The following USP32 variants were observed in gnomAD, a reference collection of about 807,000 sequenced individuals.
USP32 encodes the protein ubiquitin carboxyl-terminal hydrolase 32.
In USP32, 59 loss-of-function variants were observed where a neutral mutation model predicts 204.8. That is an observed-to-expected ratio of 0.29 (90% CI 0.23 to 0.36). The LOEUF is 0.36. Among genes scored for constraint, USP32 ranks in the 10% least tolerant of loss-of-function variants. The pLI, the probability that USP32 is intolerant of heterozygous loss-of-function variation, is 1.00. For synonymous variants in USP32, 517 were observed against 678.4 expected (o/e 0.76, Z 3.70); for missense variants, 1,160 against 1,946.4 (o/e 0.60, Z 7.60).
chr17:60,282,081 A>G (rs997908720), intron 5 of USP32, among the ~76,000 whole-genome samples: 1 of 152,246 alleles, frequency 6.6e-6, no homozygotes, highest in Admixed American at 6.5e-5. Flanking sequence ...AGAAAACAGC[A>G]TAATATTTCT....
chr17:60,279,974 A>C (rs1214121248), intron 5 of USP32, among the ~76,000 whole-genome samples: 1 of 151,938 alleles, frequency 6.6e-6, no homozygotes, highest in Non-Finnish European at 1.5e-5. Context: ...CTTTGGGCTA[A>C]AGTTCTGATT....
chr17:60,302,113 G>GTTTGTTTA (rs1434601718), intron 2 of USP32, among the ~76,000 whole-genome samples: 1 of 141,526 alleles, frequency 7.1e-6, no homozygotes, highest in African/African-American at 2.8e-5. Flanking sequence ...TATTTTGTTT[G>GTTTGTTTA]TTTATTTATT....
rs1276549066 is a variant in USP32 at position 60,238,883 on chromosome 17, G to A, written c.1137-2643C>T. 2.0e-5 allele frequency among the ~76,000 whole-genome samples: 3 copies of A among 152,174 alleles called. No homozygotes were observed. The East Asian group carries it at 5.8e-4, about 29-fold the overall frequency. On this transcript the variant is annotated intron_variant, in intron 11 of 33. Coordinates refer to ENST00000300896, the MANE Select transcript of USP32 (RefSeq NM_032582.4). ...GCTACTCACGAAGCTGAGGTGGGAG[G>A]GAGTTTGAGGTTGCAGTGAGCTGTG... is the stretch of plus-strand genomic sequence containing the variant.
Position 60,260,584 on chromosome 17 carries a change from A to C in USP32, c.990+4828T>G, listed in dbSNP as rs140896998. Reference sequence around the variant, plus strand: ...ATAATGGAATACTATGCAGAGGATAAAAAGACTAAGTTAATCTATATATAA... The same window carrying C: ...ATAATGGAATACTATGCAGAGGATACAAAGACTAAGTTAATCTATATATAA... On this transcript the variant is annotated intron_variant, in intron 9 of 33. Coordinates refer to ENST00000300896, the MANE Select transcript of USP32 (RefSeq NM_032582.4). 7.2e-3 allele frequency among the ~76,000 whole-genome samples: 1,097 copies of C among 152,032 alleles called. 15 individuals are homozygous for C. The highest frequency in any genetic ancestry group is 0.025 in the African/African-American group (1,053 of 41,494).
At chr17:60,255,307 T>C (rs749961314) in intron 9 of USP32, 49 bp from the exon 10 acceptor site, 6 of 1,496,168 alleles carry the variant, frequency 4.0e-6, no homozygotes, top group Non-Finnish European at 5.4e-6. Flanking sequence ...TCTTTTTTTT[T>C]TTTTTTTTGA....
intron 1 of USP32, among the ~76,000 whole-genome samples, chr17:60,386,905 A>G (rs1201862901): frequency 1.3e-5 from 2 of 152,206 alleles, no homozygotes; most frequent in African/African-American, 4.8e-5. Flanking sequence ...GCACCTTTGT[A>G]ATCACTCAGG....
chr17:60,275,653 T>G (rs1237111229), intron 5 of USP32, among the ~76,000 whole-genome samples: 1 of 152,192 alleles, frequency 6.6e-6, no homozygotes, highest in African/African-American at 2.4e-5. Flanking sequence ...AAAGTAACTC[T>G]TAAGTTACCT....
At chr17:60,223,156 C>T (rs1055094110) in intron 14 of USP32, among the ~76,000 whole-genome samples, 2 of 152,004 alleles carry the variant, frequency 1.3e-5, no homozygotes, top group Admixed American at 1.3e-4. Flanking sequence ...TCATACATAG[C>T]GTATGTGAAA....
intron 13 of USP32, 70 bp downstream of exon 13, chr17:60,225,969 A>G: frequency 1.4e-6 from 2 of 1,418,336 alleles, no homozygotes; most frequent in Non-Finnish European, 1.9e-6. Context: ...AAAAAAAAAA[A>G]AGAAAAGAAA....
In USP32 at chr17:60,183,321, T is replaced by C. The variant is rs1393158023; in HGVS notation, c.3967A>G (p.Lys1323Glu). ...TCATCCCCCTGGGGTGTGAGTGGTTTATGCTGGCAGAGAGCCGGGTCTCTT... is the reference window on the plus strand; with the variant it reads ...TCATCCCCCTGGGGTGTGAGTGGTTCATGCTGGCAGAGAGCCGGGTCTCTT... ...VPRDPALCQH[K>E]PLTPQGDELS... The change falls in exon 31 of 34, where the codon AAA becomes GAA. Residue 1323 changes from lysine (K) to glutamate (E), a missense_variant. Lys to Glu is a moderately conservative substitution (Grantham distance 56). This residue lies in a region of USP32 where 244 missense variants were observed against 342.3 expected (regional missense o/e 0.71). Coordinates refer to ENST00000300896, the MANE Select transcript of USP32 (RefSeq NM_032582.4). The C allele has an allele frequency of 1.2e-6, 2 of 1,613,888 alleles. No homozygotes were observed. The highest frequency in any genetic ancestry group is 2.7e-5 in the African/African-American group (2 of 74,918).
At chr17:60,377,606 A>C (rs2089572635) in intron 1 of USP32, among the ~76,000 whole-genome samples, 1 of 152,216 alleles carries the variant, frequency 6.6e-6, no homozygotes, top group Non-Finnish European at 1.5e-5. Flanking sequence ...ACCTTTTATT[A>C]ATGTTTGCTA....
At chr17:60,385,660 A>G (rs536463013) in intron 1 of USP32, among the ~76,000 whole-genome samples, 12 of 152,132 alleles carry the variant, frequency 7.9e-5, no homozygotes, top group African/African-American at 2.9e-4. Flanking sequence ...TGGCCAACAT[A>G]GTAAAACCCT....
At chr17:60,288,873 A>G (rs566304967) in intron 4 of USP32, among the ~76,000 whole-genome samples, 191 bp from the exon 5 acceptor site, 5 of 152,366 alleles carry the variant, frequency 3.3e-5, no homozygotes, top group East Asian at 1.9e-4. Context: ...CTTGTGCTTC[A>G]TAACTTCTAC....
intron 1 of USP32, among the ~76,000 whole-genome samples, chr17:60,349,605 ATATATATATATATATATAT>A (rs1187704043): frequency 0.021 from 1,524 of 71,606 alleles, 32 homozygotes; most frequent in African/African-American, 0.059. Context: ...AAATATATAT[ATATATATATATATATATAT>A]TATATATATA....
At chr17:60,192,634 T>A (rs898871423) in intron 28 of USP32, among the ~76,000 whole-genome samples, 13 of 152,046 alleles carry the variant, frequency 8.6e-5, no homozygotes, top group African/African-American at 3.1e-4. Context: ...GAGGTTTTAC[T>A]AGGTTAGGCT....
chr17:60,178,966 A>G lies in USP32; in HGVS notation c.*289T>C, dbSNP rs181554413. 1.2e-5 allele frequency: 4 copies of G among 334,568 alleles called. No individual in the cohort carries two copies. Among genetic ancestry groups the G allele is most frequent in the South Asian group, 1.2e-4 (2 of 16,166 alleles). The allele number at this position is 334,568 out of a possible 1,614,324, so 20.7% of individuals were successfully genotyped here. A position where few individuals can be genotyped will look rare whatever the true frequency, so the allele number is the denominator to read the frequency against. Reference sequence around the variant, plus strand: ...ATTTGTTCATATCTGGACAAGCACAATTGAATTCTTATTTGGTCCCAGGTG... The same window carrying G: ...ATTTGTTCATATCTGGACAAGCACAGTTGAATTCTTATTTGGTCCCAGGTG... On this transcript the variant is annotated 3_prime_UTR_variant, in exon 34 of 34. Transcript: ENST00000300896.
chr17:60,357,723 T>C (rs1364044790), intron 1 of USP32, among the ~76,000 whole-genome samples: 1 of 152,134 alleles, frequency 6.6e-6, no homozygotes, highest in Non-Finnish European at 1.5e-5. Flanking sequence ...AAGGACTGGA[T>C]GACTCAGCAG....
At chr17:60,186,206 A>G (rs2084247189) in intron 29 of USP32, among the ~76,000 whole-genome samples, 1 of 152,260 alleles carries the variant, frequency 6.6e-6, no homozygotes. Flanking sequence ...AACGCTTCAA[A>G]ATGACAAAAA....
chr17:60,384,098 G>A (rs1332950001), intron 1 of USP32, among the ~76,000 whole-genome samples: 1 of 152,216 alleles, frequency 6.6e-6, no homozygotes, highest in African/African-American at 2.4e-5. Flanking sequence ...GATATGGTCA[G>A]AAAGTGAGAG....
Sources: gnomAD v4.1 joint callset for allele counts (sites outside exome capture counted in the v4.1 genomes callset) on GRCh38, gnomAD v4.1.1 for gene constraint, gnomAD v4.1.1 regional missense constraint, MANE v1.5 for transcripts, NCBI Gene and HGNC (gene_info 2026-07-23, HGNC 2026-07-21) for gene names.